Variants in LHX4 observed in about 807,000 individuals in gnomAD.
LHX4 encodes the protein LIM homeobox 4.
LHX4 carries 16 observed loss-of-function variants against 39.2 expected under a neutral mutation model. That is an observed-to-expected ratio of 0.41 (90% CI 0.28 to 0.62). LHX4 has a LOEUF of 0.62. Among genes scored for constraint, LHX4 ranks in the 20% least tolerant of loss-of-function variants. The probability of loss-of-function intolerance (pLI) is 0.33; values close to 1 mark genes in which losing one functional copy is unlikely to be tolerated. For synonymous variants in LHX4, 206 were observed against 198.1 expected (o/e 1.04, Z -0.33); for missense variants, 439 against 511.9 (o/e 0.86, Z 1.37).
chr1:180,257,712 C>T (rs1013238713), intron 2 of LHX4, among the ~76,000 whole-genome samples: 2 of 152,154 alleles, frequency 1.3e-5, no homozygotes, highest in Admixed American at 6.5e-5. Flanking sequence ...AGTAAATCAC[C>T]GCCAAGCAAT....
At chr1:180,239,002 C>CACCATCA (rs2149253533) in intron 1 of LHX4, among the ~76,000 whole-genome samples, 1 of 152,236 alleles carries the variant, frequency 6.6e-6, no homozygotes, top group South Asian at 2.1e-4. Flanking sequence ...TTATCATCAG[C>CACCATCA]GGTGATGGTG....
intron 1 of LHX4, 72 bp from the exon 2 acceptor site, chr1:180,248,213 C>T (rs1647461702): frequency 2.0e-6 from 3 of 1,523,052 alleles, no homozygotes; most frequent in Non-Finnish European, 2.7e-6. Context: ...GGGAAGGCAC[C>T]CGCCAGGGCC....
chr1:180,256,722 AG>A (rs1647872966), intron 2 of LHX4, among the ~76,000 whole-genome samples: 1 of 152,122 alleles, frequency 6.6e-6, no homozygotes, highest in South Asian at 2.1e-4. Flanking sequence ...AGTGGGAGTC[AG>A]GGGTGGCTTT....
At chr1:180,239,694 G>A (rs1571258779) in intron 1 of LHX4, among the ~76,000 whole-genome samples, 4 of 152,180 alleles carry the variant, frequency 2.6e-5, no homozygotes, top group South Asian at 2.1e-4. Context: ...CTGTGTACCC[G>A]TAGGGAAGCC....
At chr1:180,272,212 T>A (rs1478162870) in intron 5 of LHX4, among the ~76,000 whole-genome samples, 1 of 151,958 alleles carries the variant, frequency 6.6e-6, no homozygotes, top group African/African-American at 2.4e-5. Context: ...ATTGCTGAGG[T>A]CTGGAAGCTG....
At chr1:180,263,805 A>T (rs1648205408) in intron 2 of LHX4, among the ~76,000 whole-genome samples, 1 of 151,934 alleles carries the variant, frequency 6.6e-6, no homozygotes, top group Admixed American at 6.6e-5. Context: ...AGTGGGAGAG[A>T]GTGTGGCCCC....
Position 180,276,158 on chromosome 1 carries a change from C to G in LHX4, c.*1579C>G, listed in dbSNP as rs1649014012. On this transcript the variant is annotated 3_prime_UTR_variant, in exon 6 of 6. Coordinates refer to ENST00000263726, the MANE Select transcript of LHX4 (RefSeq NM_033343.4). ...AGCAGAGTAGGAAAGGGTGAGAAGG[C>G]ATTGCCTATCACATGAAGTGATGGG... is the stretch of plus-strand genomic sequence containing the variant. 6.6e-6 allele frequency: 1 copy of G among 152,232 alleles called. No homozygotes were observed. The highest frequency in any genetic ancestry group is 2.1e-4 in the South Asian group (1 of 4,832). 9.4% of individuals were successfully genotyped at this position (152,232 alleles called of 1,614,324 possible). A position where few individuals can be genotyped will look rare whatever the true frequency, so the allele number is the denominator to read the frequency against.
intron 1 of LHX4, among the ~76,000 whole-genome samples, chr1:180,240,151 C>A (rs1664414506): frequency 6.6e-6 from 1 of 152,218 alleles, no homozygotes; most frequent in African/African-American, 2.4e-5. Context: ...ACAAACTTTA[C>A]AAAATATTAA....
intron 2 of LHX4, among the ~76,000 whole-genome samples, chr1:180,256,712 A>AGT (rs921610227): frequency 2.0e-5 from 3 of 152,130 alleles, no homozygotes; most frequent in African/African-American, 7.2e-5. Context: ...TGGGCCCCAA[A>AGT]GTGGGAGTCA....
rs1648294111 is a variant in LHX4, at chr1:180,266,017, A to G, written c.249-375A>G. On this transcript the variant is annotated intron_variant, in intron 2 of 5. Transcript: ENST00000263726. The surrounding 1 kb of genome is among the most constrained non-coding windows in gnomAD (Gnocchi z 5.7). ...GTGAGGATGTCCTCTGGGATCAACC[A>G]TAAGGGTGAGGAAGCTGGGAGGTGG... 6.6e-6 allele frequency among the ~76,000 whole-genome samples: 1 copy of G among 152,172 alleles called. No homozygotes were observed. Among genetic ancestry groups the G allele is most frequent in the Admixed American group, 6.5e-5 (1 of 15,282 alleles).
upstream of LHX4, among the ~76,000 whole-genome samples, chr1:180,229,944 A>AGGCGGG (rs1664126594): frequency 2.3e-5 from 1 of 43,942 alleles, no homozygotes; most frequent in Non-Finnish European, 4.0e-5. Context: ...GGCTGGGCGG[A>AGGCGGG]GGCGGAGGCG....
rs535987698 is a variant in LHX4, at chr1:180,234,893, G to A, written c.76+4288G>A. Among the ~76,000 whole-genome samples the A allele has an allele frequency of 2.0e-5, 3 of 152,228 alleles. No individual in the cohort carries two copies. Among genetic ancestry groups the A allele is most frequent in the South Asian group, 4.1e-4 (2 of 4,834 alleles). On this transcript the variant is annotated intron_variant, in intron 1 of 5. Transcript: ENST00000263726. This position sits in a 1 kb window ranked among gnomAD's most constrained non-coding sequence, Gnocchi z 4.8. ...ATGACCTCGCTACGACCGGGGCAGG[G>A]CTCCTCCGCCCCGCGGGCAGATGCC...
At chr1:180,263,022 ATCTT>A (rs1229478747) in intron 2 of LHX4, among the ~76,000 whole-genome samples, 2 of 152,158 alleles carry the variant, frequency 1.3e-5, no homozygotes, top group Non-Finnish European at 2.9e-5. Flanking sequence ...CAGCAGGCTT[ATCTT>A]TCTGAAGGGT....
chr1:180,252,854 A>T (rs533285364), intron 2 of LHX4, among the ~76,000 whole-genome samples: 1 of 152,202 alleles, frequency 6.6e-6, no homozygotes, highest in East Asian at 1.9e-4. Context: ...GGCAAGAAGG[A>T]TTGTTGGGAA....
At chr1:180,264,841 C>T (rs1396010661) in intron 2 of LHX4, among the ~76,000 whole-genome samples, 1 of 152,210 alleles carries the variant, frequency 6.6e-6, no homozygotes, top group Admixed American at 6.5e-5. Context: ...AAGCCACCAC[C>T]TCTCAGCCCC....
intron 5 of LHX4, 106 bp from the exon 6 acceptor site, chr1:180,274,079 C>T (rs568678312): frequency 1.4e-6 from 2 of 1,423,918 alleles, no homozygotes; most frequent in African/African-American, 2.8e-5. Flanking sequence ...AGGCAGCTGC[C>T]ATCCTTGGGC....
At position 180,232,205 on chromosome 1, in the gene LHX4, T is replaced by TG. The variant is rs1664200021; in HGVS notation, c.76+1605dup. 6.6e-6 allele frequency among the ~76,000 whole-genome samples: 1 copy of TG among 151,938 alleles called. No homozygotes were observed. Among genetic ancestry groups the TG allele is most frequent in the Non-Finnish European group, 1.5e-5 (1 of 67,994 alleles). Reference sequence around the variant, plus strand: ...TGCGCGAGTGAGGAGACTGCATGAGTGGGGGAAGGGTGTGTGTGTGTTACT... The same window carrying TG: ...TGCGCGAGTGAGGAGACTGCATGAGTGGGGGGAAGGGTGTGTGTGTGTTACT... On this transcript the variant is annotated intron_variant, in intron 1 of 5. Transcript: ENST00000263726. The surrounding 1 kb of genome is among the most constrained non-coding windows in gnomAD (Gnocchi z 5.4).
chr1:180,229,199 G>A (rs1664095507), upstream of LHX4, among the ~76,000 whole-genome samples: 3 of 152,256 alleles, frequency 2.0e-5, no homozygotes, highest in African/African-American at 7.2e-5. Flanking sequence ...GCGTCCGTGT[G>A]CTCACTGCCG....
chr1:180,273,844 T>C (rs561880656), intron 5 of LHX4: 6 of 326,764 alleles, frequency 1.8e-5, no homozygotes, highest in Admixed American at 1.4e-4. Flanking sequence ...ATTTGTGATG[T>C]GGAGACATCT....
Sources: allele counts gnomAD v4.1 joint callset (sites outside exome capture counted in the v4.1 genomes callset), GRCh38; gene constraint gnomAD v4.1.1; non-coding constraint Gnocchi (gnomAD v3.1); transcripts MANE v1.5; gene names NCBI Gene and HGNC (gene_info 2026-07-23, HGNC 2026-07-21).